The following GALNTL6 variants were observed in gnomAD, a reference collection of about 807,000 sequenced individuals.
GALNTL6 encodes the protein polypeptide N-acetylgalactosaminyltransferase-like 6.
Under a neutral mutation model 73.7 loss-of-function variants are expected in GALNTL6, and 46 were observed. The observed-to-expected ratio is 0.62, with a 90% confidence interval of 0.49 to 0.80. GALNTL6 has a LOEUF of 0.80. Among genes scored for constraint, GALNTL6 ranks in the 30% least tolerant of loss-of-function variants. The pLI is 0.00. For synonymous variants in GALNTL6, 259 were observed against 263.7 expected, an observed-to-expected ratio of 0.98 and a Z score of 0.17; for missense variants, 604 against 755.0, an observed-to-expected ratio of 0.80 and a Z score of 2.34.
At chr4:171,990,768 G>A (rs562676431) in intron 2 of GALNTL6, among the ~76,000 whole-genome samples, 1 of 152,236 alleles carries the variant, frequency 6.6e-6, no homozygotes, top group South Asian at 2.1e-4. Flanking sequence ...AGCATTTAAT[G>A]TTACACAAAC....
chr4:172,962,802 A>ACTC lies in GALNTL6; in HGVS notation c.1371+10544_1371+10545insCTC, dbSNP rs550616698. ...TCTGGTACTTGGAACTCAGCTTGTA[A>ACTC]AGGATATGTTACAGACCATAAACAG... On this transcript the variant is annotated intron_variant, in intron 10 of 12. Transcript: ENST00000506823. Among the ~76,000 whole-genome samples the ACTC allele has an allele frequency of 8.0e-4, 122 of 152,212 alleles. 1 individual carries two copies. The highest frequency in any genetic ancestry group is 7.7e-3 in the East Asian group (40 of 5,166).
intron 5 of GALNTL6, among the ~76,000 whole-genome samples, chr4:172,450,598 G>A (rs534703770): frequency 3.2e-4 from 48 of 152,334 alleles, no homozygotes; most frequent in African/African-American, 1.2e-3. Context: ...GCTTTCAGTT[G>A]TAATCAGATG....
intron 3 of GALNTL6, among the ~76,000 whole-genome samples, chr4:172,275,040 G>A (rs1047011619): frequency 3.3e-5 from 5 of 152,122 alleles, no homozygotes; most frequent in South Asian, 2.1e-4. Flanking sequence ...GAAGGTGTGC[G>A]AAAGGTCTGG....
chr4:171,882,651 C>A (rs1037008543), intron 2 of GALNTL6, among the ~76,000 whole-genome samples: 1 of 152,146 alleles, frequency 6.6e-6, no homozygotes, highest in Non-Finnish European at 1.5e-5. Flanking sequence ...CGTTTGAGGG[C>A]AGGAAGCATC....
chr4:172,751,724 C>CT (rs1737434262), intron 5 of GALNTL6, among the ~76,000 whole-genome samples: 1 of 152,204 alleles, frequency 6.6e-6, no homozygotes, highest in African/African-American at 2.4e-5. Context: ...AGCCAGTGTT[C>CT]TGTTTAATGC....
intron 10 of GALNTL6, among the ~76,000 whole-genome samples, chr4:172,995,952 T>C (rs1751759960): frequency 6.6e-6 from 1 of 152,198 alleles, no homozygotes; most frequent in Non-Finnish European, 1.5e-5. Flanking sequence ...AGAGAATCTA[T>C]AACAAAACAC....
At chr4:172,431,312 G>GT (rs1344104525) in intron 5 of GALNTL6, among the ~76,000 whole-genome samples, 1 of 152,114 alleles carries the variant, frequency 6.6e-6, no homozygotes, top group Non-Finnish European at 1.5e-5. Context: ...TGTCAGGGAA[G>GT]TTTCTCTGGT....
intron 5 of GALNTL6, among the ~76,000 whole-genome samples, chr4:172,474,539 A>G (rs1188835558): frequency 6.6e-6 from 1 of 152,202 alleles, no homozygotes; most frequent in Non-Finnish European, 1.5e-5. Flanking sequence ...ACAGAACTAT[A>G]ATCAGTGATA....
At chr4:172,816,386 C>A (rs1741606493) in intron 7 of GALNTL6, among the ~76,000 whole-genome samples, 2 of 152,112 alleles carry the variant, frequency 1.3e-5, no homozygotes, top group Non-Finnish European at 2.9e-5. Flanking sequence ...TGTTTTCCAA[C>A]CTGAAAATTC....
rs145229906 is a variant in GALNTL6, at chr4:172,646,723, G to A, written c.554-162638G>A. On this transcript the variant is annotated intron_variant, in intron 5 of 12. Coordinates refer to ENST00000506823, the MANE Select transcript of GALNTL6 (RefSeq NM_001034845.3). Reference sequence around the variant, plus strand: ...AAATATCAGAACAACTATTCTTTTGGAATAGAAAGAAATTCTTAAAATCGT... The same window carrying A: ...AAATATCAGAACAACTATTCTTTTGAAATAGAAAGAAATTCTTAAAATCGT... 2.7e-3 allele frequency among the ~76,000 whole-genome samples: 415 copies of A among 151,864 alleles called. 5 individuals are homozygous for A. The highest frequency in any genetic ancestry group is 9.7e-3 in the African/African-American group (402 of 41,462).
chr4:172,815,509 T>C (rs1173043965), intron 7 of GALNTL6, among the ~76,000 whole-genome samples: 6 of 152,192 alleles, frequency 3.9e-5, no homozygotes, highest in Non-Finnish European at 8.8e-5. Flanking sequence ...CTGGTTATAA[T>C]GACCTTTACT....
chr4:173,028,281 T>C (rs771355738), intron 12 of GALNTL6, among the ~76,000 whole-genome samples: 1 of 152,192 alleles, frequency 6.6e-6, no homozygotes, highest in Non-Finnish European at 1.5e-5. Flanking sequence ...AGGTGTATTA[T>C]TAAGGCAATG....
intron 2 of GALNTL6, among the ~76,000 whole-genome samples, chr4:172,216,632 T>A (rs1008859504): frequency 1.3e-5 from 2 of 152,232 alleles, no homozygotes; most frequent in African/African-American, 4.8e-5. Flanking sequence ...ATAGTGATTA[T>A]TCAAATATTT....
At chr4:172,176,337 C>CAGAAAAAAAAA (rs1734996005) in intron 2 of GALNTL6, among the ~76,000 whole-genome samples, 1 of 31,362 alleles carries the variant, frequency 3.2e-5, no homozygotes, top group Non-Finnish European at 5.2e-5. Flanking sequence ...GACTCCGTCT[C>CAGAAAAAAAAA]AAAAAAAAAA....
chr4:172,862,713 A>AG (rs1029813422), intron 7 of GALNTL6, among the ~76,000 whole-genome samples: 11 of 89,644 alleles, frequency 1.2e-4, no homozygotes, highest in Admixed American at 1.2e-3. Context: ...AAAAAGAAAA[A>AG]GAGAAAGAAA....
At chr4:171,850,061 T>C (rs1418541984) in intron 2 of GALNTL6, among the ~76,000 whole-genome samples, 1 of 152,018 alleles carries the variant, frequency 6.6e-6, no homozygotes, top group Non-Finnish European at 1.5e-5. Flanking sequence ...TGCTTCCCGG[T>C]TTCAAGCGAT....
chr4:172,873,209 A>G (rs1307348072), intron 7 of GALNTL6, among the ~76,000 whole-genome samples: 1 of 152,212 alleles, frequency 6.6e-6, no homozygotes, highest in Non-Finnish European at 1.5e-5. Context: ...CTCTTCCACC[A>G]GTGTCCCTGA....
At chr4:172,423,761 G>A (rs1271871640) in intron 5 of GALNTL6, among the ~76,000 whole-genome samples, 1 of 151,978 alleles carries the variant, frequency 6.6e-6, no homozygotes, top group Non-Finnish European at 1.5e-5. Context: ...TATACTAAAT[G>A]CTTAGAACCA....
chr4:172,977,798 T>C (rs1750887960), intron 10 of GALNTL6, among the ~76,000 whole-genome samples: 1 of 152,196 alleles, frequency 6.6e-6, no homozygotes, highest in Admixed American at 6.5e-5. Context: ...CTTGTTCATA[T>C]GTCGCATGTC....
Sources: gnomAD v4.1 joint callset for allele counts (sites outside exome capture counted in the v4.1 genomes callset) on GRCh38, gnomAD v4.1.1 for gene constraint, MANE v1.5 for transcripts, NCBI Gene and HGNC (gene_info 2026-07-23, HGNC 2026-07-21) for gene names.